Variants in BAIAP2L2 observed in about 807,000 individuals in gnomAD.
BAIAP2L2 encodes BAR/IMD domain-containing adapter protein 2-like 2.
In BAIAP2L2, 65 loss-of-function variants were observed where a neutral mutation model predicts 60.4. The observed-to-expected ratio is 1.08, with a 90% CI of 0.88 to 1.32. BAIAP2L2 has a LOEUF of 1.32. BAIAP2L2 is among the 40% of genes most tolerant of loss of function. BAIAP2L2 has a pLI of 0.00. For missense variants in BAIAP2L2, 836 were observed against 741.2 expected, an observed-to-expected ratio of 1.13 and a Z score of -1.48; for synonymous variants, 344 against 301.7, an observed-to-expected ratio of 1.14 and a Z score of -1.45.
chr22:38,097,122 C>G lies in BAIAP2L2; in HGVS notation c.522G>C (p.Arg174=). ...GCCGCTTCTCTTCCAATTCAGCCGC[C>G]CGCTGACTCTCAGACACGAAGGCCT... ...QMQAFVSESQ[R]AAELEEKRRY... The change falls in exon 7 of 14, where the codon CGG becomes CGC. Residue 174 remains arginine, a synonymous_variant. Coordinates refer to ENST00000381669, the MANE Select transcript of BAIAP2L2 (RefSeq NM_025045.6). 1.2e-6 allele frequency: 2 copies of G among 1,614,044 alleles called. No individual in the cohort carries two copies. Among genetic ancestry groups the G allele is most frequent in the South Asian group, 2.2e-5 (2 of 91,090 alleles).
rs1230154192 is a variant in BAIAP2L2, at chr22:38,089,692, CG to C, written c.613-19del. ...CCCCGGGCCTGGCCGGGCGGGGACA[CG>C]GGGGTCAGCCAGGTCCGGGCGGCTC... On this transcript the variant is annotated intron_variant, in intron 7 of 13. Coordinates refer to ENST00000381669, the MANE Select transcript of BAIAP2L2 (RefSeq NM_025045.6). 3 of 1,229,272 alleles carry C rather than the reference CG, an allele frequency of 2.4e-6. No individual in the cohort carries two copies. The highest frequency in any genetic ancestry group is 3.0e-6 in the Non-Finnish European group (3 of 986,294). The allele number at this position is 1,229,272 out of a possible 1,614,324, so 76.1% of individuals were successfully genotyped here. A position where few individuals can be genotyped will look rare whatever the true frequency, so the allele number is the denominator to read the frequency against.
At chr22:38,094,195 A>T (rs1446812089) in intron 7 of BAIAP2L2, among the ~76,000 whole-genome samples, 3 of 149,154 alleles carry the variant, frequency 2.0e-5, no homozygotes, top group African/African-American at 7.4e-5. Context: ...ACCGGTTTGT[A>T]TTTTTTTTTT....
intron 7 of BAIAP2L2, chr22:38,090,922 C>G (rs1229520451): frequency 1.3e-5 from 2 of 152,260 alleles, no homozygotes; most frequent in African/African-American, 4.8e-5. Context: ...ACTAGTCTAG[C>G]TGGTCACTAA....
At chr22:38,093,660 A>G (rs1233365841) in intron 7 of BAIAP2L2, among the ~76,000 whole-genome samples, 1 of 152,246 alleles carries the variant, frequency 6.6e-6, no homozygotes, top group Non-Finnish European at 1.5e-5. Context: ...TTGCAATCAG[A>G]TATCGCTTCA....
rs969295686 is a variant in BAIAP2L2, at chr22:38,110,642, C to G, written c.-117G>C. On this transcript the variant is annotated 5_prime_UTR_variant, in exon 1 of 14. Coordinates refer to ENST00000381669, the MANE Select transcript of BAIAP2L2 (RefSeq NM_025045.6). The stretch of plus-strand genomic sequence containing the variant: ...GACTCAGCTGGCAGCGAGGAAGCCT[C>G]GGAGAGGGACCTGGAGATGGAGGCC... 4 of 767,854 alleles carry G rather than the reference C, an allele frequency of 5.2e-6. No individual in the cohort carries two copies. Among genetic ancestry groups the G allele is most frequent in the Admixed American group, 2.9e-5 (1 of 33,976 alleles). The allele number at this position is 767,854 out of a possible 1,614,324, so 47.6% of individuals were successfully genotyped here.
chr22:38,095,619 G>A (rs1398430487), intron 7 of BAIAP2L2, among the ~76,000 whole-genome samples: 3 of 152,066 alleles, frequency 2.0e-5, no homozygotes, highest in Non-Finnish European at 4.4e-5. Flanking sequence ...CCCACCTCGC[G>A]CTCCCAAAGT....
chr22:38,098,624 G>A (rs2086500242), intron 4 of BAIAP2L2, 142 bp from the exon 5 acceptor site: 3 of 604,856 alleles, frequency 5.0e-6, no homozygotes, highest in Non-Finnish European at 8.8e-6. Context: ...GAGAAACGGA[G>A]ACAAGAACAC....
At chr22:38,098,288 G>A in intron 5 of BAIAP2L2, 109 bp from the exon 6 acceptor site, 1 of 1,461,922 alleles carries the variant, frequency 6.8e-7, no homozygotes, top group Non-Finnish European at 9.5e-7. Context: ...GGCTCAGCTG[G>A]GAACATGGAT....
At chr22:38,089,406 G>A in intron 8 of BAIAP2L2, 116 bp downstream of exon 8, 1 of 611,764 alleles carries the variant, frequency 1.6e-6, no homozygotes, top group Non-Finnish European at 2.3e-6. Context: ...GCCGGGGGAT[G>A]CAGCGTAGAG....
rs1424521857 is a variant in BAIAP2L2 at position 38,089,648 on chromosome 22, C to T, written c.639G>A (p.Val213=). ...GRARGMLQNR[V]LLWKEQSEAS... ...CCTCAGACTGCTCCTTCCACAGCAG[C>T]ACGCGGTTCTGGAGCATCCCCCGGG... The change falls in exon 8 of 14, where the codon GTG becomes GTA. Residue 213 remains valine, a synonymous_variant. Transcript: ENST00000381669. 12 of 1,231,552 alleles carry T rather than the reference C, an allele frequency of 9.7e-6. No individual in the cohort carries two copies. Among genetic ancestry groups the T allele is most frequent in the Non-Finnish European group, 1.2e-5 (12 of 987,798 alleles). 76.3% of individuals were successfully genotyped at this position (1,231,552 alleles called of 1,614,324 possible).
intron 13 of BAIAP2L2, 85 bp downstream of exon 13, chr22:38,085,601 A>AGTCTCCCT: frequency 6.7e-7 from 1 of 1,483,904 alleles, no homozygotes; most frequent in Non-Finnish European, 9.4e-7. Flanking sequence ...CTCCTGCCCC[A>AGTCTCCCT]GTCTCCCTAG....
chr22:38,085,141 G>T lies in BAIAP2L2; in HGVS notation c.*159C>A. 4.4e-6 allele frequency: 3 copies of T among 682,010 alleles called. No individual in the cohort carries two copies. The highest frequency in any genetic ancestry group is 7.4e-6 in the Non-Finnish European group (3 of 403,380). The allele number at this position is 682,010 out of a possible 1,614,324, so 42.2% of individuals were successfully genotyped here. On this transcript the variant is annotated 3_prime_UTR_variant, in exon 14 of 14. Transcript: ENST00000381669. ...GTCTCGGACCCCAAGCCAGTGCTTT[G>T]GAGCTGCTCAGGCTGCCGGGGTGGT...
intron 4 of BAIAP2L2, among the ~76,000 whole-genome samples, chr22:38,104,496 CTTT>C (rs35517234): frequency 3.6e-5 from 5 of 137,382 alleles, no homozygotes; most frequent in Admixed American, 7.4e-5. Flanking sequence ...ACTCAAATTT[CTTT>C]TTTTTTTTTT....
chr22:38,109,713 G>A (rs560321258), intron 1 of BAIAP2L2, among the ~76,000 whole-genome samples: 2 of 152,162 alleles, frequency 1.3e-5, no homozygotes, highest in Admixed American at 6.5e-5. Flanking sequence ...GGGCCTCCTC[G>A]GGCTGGGGCC....
intron 4 of BAIAP2L2, among the ~76,000 whole-genome samples, chr22:38,105,137 G>A (rs375382136): frequency 3.9e-5 from 6 of 152,126 alleles, no homozygotes; most frequent in East Asian, 3.9e-4. Context: ...AAGACCCTCC[G>A]AAGGTGTCCC....
Position 38,110,458 on chromosome 22 carries a change from G to A in BAIAP2L2, c.51+17C>T. Reference sequence around the variant, plus strand: ...GGAGGAGGGGCTCAGGCCTGGCTTGGCCACCCATGTGCTCACCTTGTAGAT... The same window carrying A: ...GGAGGAGGGGCTCAGGCCTGGCTTGACCACCCATGTGCTCACCTTGTAGAT... On this transcript the variant is annotated intron_variant, in intron 1 of 13. Transcript: ENST00000381669. 2.5e-6 allele frequency: 4 copies of A among 1,611,024 alleles called. No individual in the cohort carries two copies. Among genetic ancestry groups the A allele is most frequent in the Non-Finnish European group, 3.4e-6 (4 of 1,178,818 alleles).
At chr22:38,089,263 C>CGG (rs1274367926) in intron 8 of BAIAP2L2, 32 bp from the exon 9 acceptor site, 26 of 20,920 alleles carry the variant, frequency 1.2e-3, no homozygotes, top group Admixed American at 3.5e-3. Flanking sequence ...GAGGGTGGGG[C>CGG]GGGGGGGGGG....
Position 38,087,222 on chromosome 22 carries a change from C to T in BAIAP2L2, c.1161G>A (p.Glu387=), listed in dbSNP as rs745599388. 1.2e-6 allele frequency: 2 copies of T among 1,606,094 alleles called. No individual in the cohort carries two copies. The highest frequency in any genetic ancestry group is 1.1e-5 in the South Asian group (1 of 90,166). The change falls in exon 11 of 14, where the codon GAG becomes GAA. Residue 387 remains glutamate, a synonymous_variant. Transcript: ENST00000381669. ...CGGGGGTCATGGGATTCACGGGCCC[C>T]TCCTCCAGAGCCTTCACGTACGCCT... ...FPEAYVKALE[E]GPVNPMTPVT... is the part of the protein sequence containing the mutation.
Position 38,086,227 on chromosome 22 carries a change from C to CG in BAIAP2L2, c.1467+14dup. 1 of 1,607,914 alleles carries CG rather than the reference C, an allele frequency of 6.2e-7. No individual in the cohort carries two copies. On this transcript the variant is annotated intron_variant, in intron 12 of 13. Coordinates refer to ENST00000381669, the MANE Select transcript of BAIAP2L2 (RefSeq NM_025045.6). ...GCCCGCTGGAGGCCCCAAGAGAGGGCGGGCAAGGGCTCACCTTGACGTCAG... is the reference window on the plus strand; with the variant it reads ...GCCCGCTGGAGGCCCCAAGAGAGGGCGGGGCAAGGGCTCACCTTGACGTCAG...
Sources: gnomAD v4.1 joint callset for allele counts (sites outside exome capture counted in the v4.1 genomes callset) on GRCh38, gnomAD v4.1.1 for gene constraint, MANE v1.5 for transcripts, NCBI Gene and HGNC (gene_info 2026-07-23, HGNC 2026-07-21) for gene names.